The following UNC80 variants were observed in gnomAD, a reference collection of about 807,000 sequenced individuals.
UNC80 encodes protein unc-80 homolog.
Under a neutral mutation model 384.6 loss-of-function variants are expected in UNC80, and 164 were observed. The observed-to-expected ratio is 0.43, with a 90% confidence interval of 0.38 to 0.49. The LOEUF (loss-of-function observed/expected upper bound fraction) is 0.49. Ranked by LOEUF, UNC80 falls within the 20% of genes least tolerant of loss-of-function variation. The pLI, the probability that UNC80 is intolerant of heterozygous loss-of-function variation, is 0.00. For synonymous variants in UNC80, 1,486 were observed against 1,527.8 expected (o/e 0.97, Z 0.64); for missense variants, 3,330 against 4,143.0 (o/e 0.80, Z 5.39).
intron 22 of UNC80, among the ~76,000 whole-genome samples, chr2:209,868,169 G>A (rs1474688162): frequency 6.6e-6 from 1 of 152,188 alleles, no homozygotes; most frequent in African/African-American, 2.4e-5. Flanking sequence ...TACTGACTCA[G>A]AAGTATATGC....
intron 13 of UNC80, among the ~76,000 whole-genome samples, chr2:209,823,699 A>G (rs923687186): frequency 5.9e-5 from 9 of 151,786 alleles, no homozygotes; most frequent in African/African-American, 2.2e-4. Context: ...TAATAATAAT[A>G]ATTAGTTTTT....
intron 13 of UNC80, among the ~76,000 whole-genome samples, chr2:209,824,335 A>G (rs76099353): frequency 0.022 from 3,390 of 152,270 alleles, 125 homozygotes; most frequent in African/African-American, 0.077. Context: ...TCTTCTCAGC[A>G]TTAACCTCTG....
rs139120461 is a variant in UNC80, at chr2:209,912,536, A to G, written c.4783-24A>G. 5.2e-4 allele frequency: 774 copies of G among 1,500,788 alleles called. 1 individual carries two copies. Among genetic ancestry groups the G allele is most frequent in the East Asian group, 5.1e-3 (205 of 40,358 alleles). The allele number at this position is 1,500,788 out of a possible 1,614,324, so 93.0% of individuals were successfully genotyped here. ...GTTTTTAGAAAACACATCACTCTTC[A>G]TTACATATCCCTGGTCTTTTCAGTG... is the stretch of plus-strand genomic sequence containing the variant. On this transcript the variant is annotated intron_variant, in intron 29 of 64. Coordinates refer to ENST00000673920, the MANE Select transcript of UNC80 (RefSeq NM_001371986.1).
Position 209,885,052 on chromosome 2 carries a change from AAAATT to A in UNC80, c.4111-3030_4111-3026del, listed in dbSNP as rs1246164333. Among the ~76,000 whole-genome samples the A allele has an allele frequency of 2.6e-5, 4 of 152,232 alleles. No individual in the cohort carries two copies. The East Asian group carries it at 5.8e-4, about 22-fold the overall frequency. Reference sequence around the variant, plus strand: ...GCCCTGCACATGTATCCTGAAACTTAAAATTAAATTAAATTAATTCTTTTTAAAAA... The same window carrying A: ...GCCCTGCACATGTATCCTGAAACTTAAAATTAAATTAATTCTTTTTAAAAA... On this transcript the variant is annotated intron_variant, in intron 25 of 64. Transcript: ENST00000673920.
Position 209,912,572 on chromosome 2 carries a change from T to C in UNC80, c.4795T>C (p.Ser1599Pro), listed in dbSNP as rs1227838571. The C allele has an allele frequency of 5.2e-6, 8 of 1,550,686 alleles. No individual in the cohort carries two copies. The highest frequency in any genetic ancestry group is 2.0e-5 in the Admixed American group (1 of 50,872). The change falls in exon 30 of 65, where the codon TCA becomes CCA. Residue 1599 changes from serine to proline, a missense_variant. Around this residue, in one of 8 missense-constraint regions of UNC80, gnomAD observed 801 missense variants for 950.8 expected, o/e 0.84. Transcript: ENST00000673920. ...GKKQKECSDK[S>P]CLRTPSLKKR... ...CTGGTCTTTTCAGTGCTCAGATAAG[T>C]CATGCCTGAGGACACCTTCTCTAAA...
chr2:209,947,099 T>C (rs1245081279), intron 47 of UNC80, among the ~76,000 whole-genome samples: 1 of 152,132 alleles, frequency 6.6e-6, no homozygotes, highest in Non-Finnish European at 1.5e-5. Flanking sequence ...GATCTCAGGG[T>C]ATGGAGGGGA....
chr2:209,821,852 A>C (rs924640697), intron 13 of UNC80, among the ~76,000 whole-genome samples: 3 of 152,188 alleles, frequency 2.0e-5, no homozygotes, highest in African/African-American at 7.2e-5. Flanking sequence ...AATACTCTAC[A>C]CATCATGTCA....
chr2:209,972,189 A>G lies in UNC80; in HGVS notation c.8257-12A>G, dbSNP rs2092904743. The stretch of plus-strand genomic sequence containing the variant: ...TGGTCAATTAATCTTTTCTTCTATT[A>G]TTGCTGCACAGGCTTTAAAAGAAGA... On this transcript the variant is annotated splice_polypyrimidine_tract_variant and intron_variant, in intron 54 of 64. Transcript: ENST00000673920. The G allele has an allele frequency of 6.5e-7, 1 of 1,549,044 alleles. No homozygotes were observed. The highest frequency in any genetic ancestry group is 8.7e-7 in the Non-Finnish European group (1 of 1,145,756).
intron 33 of UNC80, among the ~76,000 whole-genome samples, chr2:209,920,031 T>C (rs1229564368): frequency 1.3e-5 from 2 of 152,200 alleles, no homozygotes; most frequent in Non-Finnish European, 2.9e-5. Context: ...TAGCTGGGCA[T>C]GGTGGCAGGC....
At chr2:209,973,393 T>C in intron 56 of UNC80, 123 bp downstream of exon 56, 1 of 974,810 alleles carries the variant, frequency 1.0e-6, no homozygotes, top group Middle Eastern at 2.8e-4. Context: ...CCAACTTAAC[T>C]CAGAAAGAAT....
At chr2:209,776,184 C>T in intron 3 of UNC80, 139 bp downstream of exon 3, 1 of 1,110,730 alleles carries the variant, frequency 9.0e-7, no homozygotes, top group Non-Finnish European at 1.2e-6. Flanking sequence ...ACAAAATCCT[C>T]CTCACACTTA....
intron 7 of UNC80, among the ~76,000 whole-genome samples, chr2:209,800,726 A>G (rs2078490209): frequency 1.3e-5 from 2 of 152,176 alleles, no homozygotes; most frequent in Non-Finnish European, 2.9e-5. Flanking sequence ...ACACTGCTTT[A>G]GCTGTGTCCC....
intron 10 of UNC80, 73 bp from the exon 11 acceptor site, chr2:209,817,739 G>A: frequency 1.3e-6 from 2 of 1,524,088 alleles, no homozygotes; most frequent in South Asian, 2.5e-5. Flanking sequence ...GCTGTCCTTG[G>A]GAAAGACAAT....
At chr2:209,887,593 G>A (rs916542109) in intron 25 of UNC80, among the ~76,000 whole-genome samples, 15 of 152,118 alleles carry the variant, frequency 9.9e-5, no homozygotes, top group African/African-American at 3.6e-4. Flanking sequence ...TTATTCTGTC[G>A]AGCACAGTTC....
chr2:209,786,476 T>C (rs1453327914), intron 5 of UNC80, among the ~76,000 whole-genome samples: 1 of 152,190 alleles, frequency 6.6e-6, no homozygotes, highest in Non-Finnish European at 1.5e-5. Context: ...TTATGAGGAA[T>C]GGAGCTAATA....
chr2:209,928,268 A>G (rs2124961990), intron 36 of UNC80, among the ~76,000 whole-genome samples: 1 of 152,296 alleles, frequency 6.6e-6, no homozygotes, highest in East Asian at 1.9e-4. Context: ...CCTGGAAGGC[A>G]GAGGTTGCAG....
intron 28 of UNC80, 101 bp from the exon 29 acceptor site, chr2:209,904,664 G>T: frequency 9.9e-7 from 1 of 1,014,220 alleles, no homozygotes; most frequent in Non-Finnish European, 1.5e-6. Context: ...ACACATCCAG[G>T]GAAGCTGACA....
At chr2:209,870,668 C>G (rs140410337) in intron 22 of UNC80, among the ~76,000 whole-genome samples, 64 of 152,120 alleles carry the variant, frequency 4.2e-4, no homozygotes, top group African/African-American at 1.3e-3. Context: ...AAATTAAGTA[C>G]CTACATAAAT....
intron 7 of UNC80, among the ~76,000 whole-genome samples, chr2:209,805,761 T>C (rs1016328452): frequency 5.3e-5 from 8 of 151,966 alleles, no homozygotes; most frequent in Admixed American, 1.3e-4. Context: ...TAATCTTTTA[T>C]AACCTAATCT....
Sources: allele counts gnomAD v4.1 joint callset (sites outside exome capture counted in the v4.1 genomes callset), GRCh38; gene constraint gnomAD v4.1.1; regional missense constraint gnomAD v4.1.1; transcripts MANE v1.5; gene names NCBI Gene and HGNC (gene_info 2026-07-23, HGNC 2026-07-21).